Variants in RBFOX1 observed in about 807,000 individuals in gnomAD.
RBFOX1 encodes the protein RNA binding protein fox-1 homolog 1.
RBFOX1 carries 8 observed loss-of-function variants against 57.7 expected under a neutral mutation model. The observed-to-expected ratio is 0.14, with a 90% CI of 0.08 to 0.25. The LOEUF (loss-of-function observed/expected upper bound fraction) is 0.25. Ranked by LOEUF, RBFOX1 falls within the 10% of genes least tolerant of loss-of-function variation. RBFOX1 has a pLI of 1.00. For synonymous variants in RBFOX1, 326 were observed against 222.4 expected (o/e 1.47, Z -4.15); for missense variants, 611 against 548.5 (o/e 1.11, Z -1.14).
At chr16:5,434,691 C>T (rs1424645611) in intron 1 of RBFOX1, among the ~76,000 whole-genome samples, 3 of 152,160 alleles carry the variant, frequency 2.0e-5, no homozygotes, top group East Asian at 3.8e-4. Context: ...TGTTTAAAAT[C>T]CTGCATCTCT....
intron 14 of RBFOX1, among the ~76,000 whole-genome samples, chr16:7,693,617 T>C (rs1487045599): frequency 6.6e-6 from 1 of 151,970 alleles, no homozygotes; most frequent in Non-Finnish European, 1.5e-5. Context: ...AAAGTAAGAG[T>C]ATGTTGAATG....
intron 1 of RBFOX1, among the ~76,000 whole-genome samples, chr16:6,207,787 A>AGG (rs1491542912): frequency 6.6e-6 from 1 of 152,092 alleles, no homozygotes; most frequent in Non-Finnish European, 1.5e-5. Flanking sequence ...CCCTGGGCTC[A>AGG]GGGGATCCTC....
At chr16:7,013,326 T>C (rs1302731929) in intron 3 of RBFOX1, among the ~76,000 whole-genome samples, 1 of 152,180 alleles carries the variant, frequency 6.6e-6, no homozygotes, top group African/African-American at 2.4e-5. Flanking sequence ...GTTCTGCTCA[T>C]GTTATACGTG....
chr16:6,142,045 A>G (rs1416775676), intron 1 of RBFOX1, among the ~76,000 whole-genome samples: 1 of 124,150 alleles, frequency 8.1e-6, no homozygotes, highest in Non-Finnish European at 1.9e-5. Flanking sequence ...GGTGAGCTCA[A>G]AAGAAAAAAA....
chr16:5,584,845 G>C (rs1282749614), intron 2 of RBFOX1, among the ~76,000 whole-genome samples: 1 of 152,154 alleles, frequency 6.6e-6, no homozygotes, highest in Non-Finnish European at 1.5e-5. Flanking sequence ...AATGGCTTTT[G>C]AGATGCATGG....
At chr16:7,067,980 G>T (rs550656630) in intron 4 of RBFOX1, among the ~76,000 whole-genome samples, 1 of 142,260 alleles carries the variant, frequency 7.0e-6, no homozygotes, top group African/African-American at 2.7e-5. Context: ...GTAATTCATG[G>T]CTCCTTCCTT....
Position 7,058,001 on chromosome 16 carries a change from G to A in RBFOX1, c.27+5903G>A, listed in dbSNP as rs535332342. Among the ~76,000 whole-genome samples the A allele has an allele frequency of 9.5e-4, 72 of 75,454 alleles. 2 individuals carry two copies. The highest frequency in any genetic ancestry group is 3.0e-3 in the African/African-American group (70 of 23,110). The allele number at this position is 75,454 out of a possible 152,430, so 49.5% of individuals were successfully genotyped here. A position where few individuals can be genotyped will look rare whatever the true frequency, so the allele number is the denominator to read the frequency against. On this transcript the variant is annotated intron_variant, in intron 4 of 15. Coordinates refer to ENST00000550418, the MANE Select transcript of RBFOX1 (RefSeq NM_018723.4). ...CCAGTCTGGTCGACAGAGGGAGACT[G>A]TGGGGAAAAAAAAAAAAAAAACACG...
chr16:5,473,107 C>T lies in RBFOX1; in HGVS notation c.258+5853C>T, dbSNP rs12931374. Among the ~76,000 whole-genome samples, 154 of 152,312 alleles carry T rather than the reference C, an allele frequency of 1.0e-3. 1 individual carries two copies. The highest frequency in any genetic ancestry group is 1.7e-3 in the Non-Finnish European group (113 of 68,028). ...GATGACTGCCCTGGCTCAAACATGC[C>T]CCTTTCCATTGCCCTGTTCTGTCTT... On this transcript the variant is annotated intron_variant, in intron 2 of 2. Transcript: ENST00000585867.
intron 4 of RBFOX1, among the ~76,000 whole-genome samples, chr16:7,165,933 T>TACACACACACACACACACACACAC (rs889669390): frequency 6.3e-5 from 9 of 143,154 alleles, no homozygotes; most frequent in African/African-American, 2.4e-4. Flanking sequence ...CGCATGCACA[T>TACACACACACACACACACACACAC]ACACACACAC....
intron 4 of RBFOX1, among the ~76,000 whole-genome samples, chr16:7,272,719 A>G (rs1422504329): frequency 6.6e-6 from 1 of 152,078 alleles, no homozygotes; most frequent in East Asian, 1.9e-4. Context: ...AAGGGAGGAA[A>G]CAGACGCAGC....
intron 4 of RBFOX1, among the ~76,000 whole-genome samples, chr16:7,062,385 C>G (rs556838135): frequency 6.7e-6 from 1 of 149,134 alleles, no homozygotes; most frequent in African/African-American, 2.5e-5. Flanking sequence ...AGCTTTCTGT[C>G]TTCCTTCATG....
intron 3 of RBFOX1, among the ~76,000 whole-genome samples, chr16:7,009,596 A>G (rs1433351414): frequency 6.6e-6 from 1 of 152,166 alleles, no homozygotes; most frequent in East Asian, 1.9e-4. Context: ...ACATCCAGCT[A>G]ATCCAATAAT....
intron 4 of RBFOX1, among the ~76,000 whole-genome samples, chr16:7,215,358 C>T (rs2091862529): frequency 6.6e-6 from 1 of 152,200 alleles, no homozygotes; most frequent in African/African-American, 2.4e-5. Flanking sequence ...TCTATAAAGA[C>T]ACCTGCACAT....
In RBFOX1 at chr16:7,138,716, G is replaced by A. The variant is rs528108322; in HGVS notation, c.27+86618G>A. Among the ~76,000 whole-genome samples the A allele has an allele frequency of 2.6e-5, 4 of 152,282 alleles. No homozygotes were observed. The South Asian group carries it at 8.3e-4, about 32-fold the overall frequency. On this transcript the variant is annotated intron_variant, in intron 4 of 15. Coordinates refer to ENST00000550418, the MANE Select transcript of RBFOX1 (RefSeq NM_018723.4). ...TCATCATCTCCCAGATATATAGGCT[G>A]CATTTCTGCAGGCCGTATGCTTGAG...
chr16:6,778,274 C>G (rs986241782), intron 3 of RBFOX1, among the ~76,000 whole-genome samples: 6 of 151,964 alleles, frequency 3.9e-5, no homozygotes, highest in Non-Finnish European at 7.4e-5. Context: ...TTTTATTGTA[C>G]AAAGTAACAA....
chr16:5,346,364 A>G (rs1350685883), intron 1 of RBFOX1, among the ~76,000 whole-genome samples: 1 of 152,182 alleles, frequency 6.6e-6, no homozygotes, highest in East Asian at 1.9e-4. Flanking sequence ...GTCATTACAT[A>G]AATTGTCAGG....
chr16:7,184,995 G>C (rs1189303430), intron 4 of RBFOX1, among the ~76,000 whole-genome samples: 11 of 151,984 alleles, frequency 7.2e-5, no homozygotes, highest in African/African-American at 2.7e-4. Context: ...ATATGCATAG[G>C]ATAGCCCCAC....
At chr16:6,560,166 C>G (rs1374156774) in intron 2 of RBFOX1, among the ~76,000 whole-genome samples, 1 of 107,202 alleles carries the variant, frequency 9.3e-6, no homozygotes, top group Admixed American at 1.2e-4. Flanking sequence ...AATTCGTTTG[C>G]CATTTATCAA....
intron 1 of RBFOX1, among the ~76,000 whole-genome samples, chr16:6,068,728 G>A (rs915999645): frequency 6.6e-6 from 1 of 152,190 alleles, no homozygotes; most frequent in Non-Finnish European, 1.5e-5. Flanking sequence ...TACGTCTTTA[G>A]AGGAATGCAC....
Sources: gnomAD v4.1 joint callset for allele counts (sites outside exome capture counted in the v4.1 genomes callset) on GRCh38, gnomAD v4.1.1 for gene constraint, MANE v1.5 for transcripts, NCBI Gene and HGNC (gene_info 2026-07-23, HGNC 2026-07-21) for gene names.